TMEM150C: variants seen among roughly 807,000 people sequenced by gnomAD.
TMEM150C encodes tentonin 3.
Under a neutral mutation model 29.9 loss-of-function variants are expected in TMEM150C, and 10 were observed. The ratio of observed to expected loss-of-function variants is 0.33; its 90% CI spans 0.21 to 0.57. TMEM150C has a LOEUF of 0.57. Ranked by LOEUF, TMEM150C falls within the 20% of genes least tolerant of loss-of-function variation. TMEM150C has a pLI of 0.88. For synonymous variants in TMEM150C, 101 were observed against 112.5 expected, an observed-to-expected ratio of 0.90 and a Z score of 0.64; for missense variants, 251 against 303.6, an observed-to-expected ratio of 0.83 and a Z score of 1.29.
At chr4:82,528,989 G>A (rs923553348) in intron 1 of TMEM150C, among the ~76,000 whole-genome samples, 1 of 151,794 alleles carries the variant, frequency 6.6e-6, no homozygotes, top group Non-Finnish European at 1.5e-5. Flanking sequence ...CAGGCTGGAC[G>A]TGTTGATTTG....
chr4:82,508,665 C>T (rs1206778184), intron 1 of TMEM150C, among the ~76,000 whole-genome samples: 1 of 152,088 alleles, frequency 6.6e-6, no homozygotes, highest in Non-Finnish European at 1.5e-5. Flanking sequence ...AGGGTTTCAC[C>T]ATGTTGGCCA....
intron 1 of TMEM150C, among the ~76,000 whole-genome samples, chr4:82,532,454 C>A (rs1438915841): frequency 6.6e-6 from 1 of 152,118 alleles, no homozygotes; most frequent in Non-Finnish European, 1.5e-5. Flanking sequence ...GTAAAAGCGA[C>A]AATCAATGAG....
chr4:82,527,665 CCTAA>C (rs1320535630), intron 1 of TMEM150C, among the ~76,000 whole-genome samples: 2 of 152,174 alleles, frequency 1.3e-5, no homozygotes, highest in African/African-American at 4.8e-5. Context: ...TCTGTCCCTT[CCTAA>C]CTCTCTGCCC....
intron 1 of TMEM150C, among the ~76,000 whole-genome samples, chr4:82,508,483 T>G (rs968445607): frequency 6.6e-6 from 1 of 151,832 alleles, no homozygotes; most frequent in African/African-American, 2.4e-5. Context: ...TTTTTTTTTT[T>G]GAGATGGGGT....
chr4:82,561,577 G>C (rs1210115134), intron 1 of TMEM150C, among the ~76,000 whole-genome samples: 6 of 149,482 alleles, frequency 4.0e-5, no homozygotes, highest in African/African-American at 1.2e-4. Flanking sequence ...GGGCCGCAGC[G>C]GGCGGGCTGG....
At chr4:82,532,791 C>T (rs1015558847) in intron 1 of TMEM150C, among the ~76,000 whole-genome samples, 1 of 151,318 alleles carries the variant, frequency 6.6e-6, no homozygotes, top group East Asian at 1.9e-4. Flanking sequence ...TGCAGTGGCA[C>T]GATCTCCGCT....
At chr4:82,516,668 A>G (rs1240789114) in intron 1 of TMEM150C, among the ~76,000 whole-genome samples, 1 of 152,198 alleles carries the variant, frequency 6.6e-6, no homozygotes, top group Non-Finnish European at 1.5e-5. Context: ...TGTGGTCCAG[A>G]AAAAGAAGGT....
intron 1 of TMEM150C, among the ~76,000 whole-genome samples, chr4:82,519,359 G>A (rs1724401607): frequency 6.6e-6 from 1 of 152,066 alleles, no homozygotes; most frequent in Non-Finnish European, 1.5e-5. Flanking sequence ...AGAGATGCCT[G>A]AAATCTCAGA....
chr4:82,505,911 A>G (rs1381238435), intron 1 of TMEM150C, among the ~76,000 whole-genome samples: 3 of 152,178 alleles, frequency 2.0e-5, no homozygotes, highest in Non-Finnish European at 4.4e-5. Flanking sequence ...TCTATCGGAG[A>G]CACTGGATGC....
intron 1 of TMEM150C, among the ~76,000 whole-genome samples, chr4:82,539,112 C>T (rs898999172): frequency 6.6e-6 from 1 of 152,000 alleles, no homozygotes; most frequent in South Asian, 2.1e-4. Context: ...ATTCAGTGAT[C>T]GTTCCTTACA....
At chr4:82,527,266 A>G (rs1724686598) in intron 1 of TMEM150C, among the ~76,000 whole-genome samples, 1 of 152,148 alleles carries the variant, frequency 6.6e-6, no homozygotes, top group Admixed American at 6.5e-5. Flanking sequence ...GCCATTTACA[A>G]AAATGCTCCC....
At position 82,504,847 on chromosome 4, in the gene TMEM150C, A is replaced by G. The variant is rs965363220; in HGVS notation, c.-10-180T>C. On this transcript the variant is annotated intron_variant, in intron 1 of 7. Coordinates refer to ENST00000449862, the MANE Select transcript of TMEM150C (RefSeq NM_001080506.3). Reference sequence around the variant, plus strand: ...AGATCGAGACCATCCTGGCTAACACAGTGAAACCCCGTCTCTACTGAAAGT... The same window carrying G: ...AGATCGAGACCATCCTGGCTAACACGGTGAAACCCCGTCTCTACTGAAAGT... Among the ~76,000 whole-genome samples the G allele has an allele frequency of 7.9e-5, 12 of 152,058 alleles. No individual in the cohort carries two copies. In the South Asian group the frequency reaches 2.1e-3, roughly 26 times the overall value.
chr4:82,499,076 A>T (rs752215917), intron 5 of TMEM150C, among the ~76,000 whole-genome samples: 7 of 152,198 alleles, frequency 4.6e-5, no homozygotes, highest in Non-Finnish European at 8.8e-5. Flanking sequence ...AATTTTTAGA[A>T]TGATGGATCT....
At chr4:82,534,223 T>A (rs1480056138) in intron 1 of TMEM150C, among the ~76,000 whole-genome samples, 1 of 152,202 alleles carries the variant, frequency 6.6e-6, no homozygotes, top group Non-Finnish European at 1.5e-5. Context: ...TGTGAACAGC[T>A]AGAAATAACA....
chr4:82,529,742 G>C (rs1254984058), intron 1 of TMEM150C, among the ~76,000 whole-genome samples: 1 of 152,122 alleles, frequency 6.6e-6, no homozygotes, highest in Non-Finnish European at 1.5e-5. Flanking sequence ...ACTTCCCACT[G>C]CAATGATGTA....
chr4:82,486,361 A>AAAAAG (rs1553904912), intron 7 of TMEM150C, among the ~76,000 whole-genome samples: 23 of 150,804 alleles, frequency 1.5e-4, no homozygotes, highest in African/African-American at 5.4e-4. Context: ...AAAAAAAAAA[A>AAAAAG]AAGAAGAAAG....
At chr4:82,505,247 A>G (rs998732018) in intron 1 of TMEM150C, among the ~76,000 whole-genome samples, 1 of 152,098 alleles carries the variant, frequency 6.6e-6, no homozygotes, top group South Asian at 2.1e-4. Flanking sequence ...GGGTCTAGCT[A>G]TGTTGCCCAA....
At chr4:82,535,993 G>A (rs1286314255) in intron 1 of TMEM150C, among the ~76,000 whole-genome samples, 1 of 152,106 alleles carries the variant, frequency 6.6e-6, no homozygotes, top group Non-Finnish European at 1.5e-5. Context: ...AGGCCGGGTT[G>A]GGAGTGTTGT....
rs1288855016 is a variant in TMEM150C, at chr4:82,485,613, C to T, written c.648G>A (p.Arg216=). The part of the protein sequence containing the change: ...SYFGTFAVEF[R]HYRYEIVCSE... ...AGCAAACAATCTCATAGCGGTAATGCCGGAACTCCACGGCAAAGGTGCCAA... is the reference window on the plus strand; with the variant it reads ...AGCAAACAATCTCATAGCGGTAATGTCGGAACTCCACGGCAAAGGTGCCAA... Residue 216 remains arginine, a synonymous_variant, in exon 8 of 8, where the codon CGG becomes CGA. Transcript: ENST00000449862. 6 of 1,610,616 alleles carry T rather than the reference C, an allele frequency of 3.7e-6. No individual in the cohort carries two copies. Among genetic ancestry groups the T allele is most frequent in the Non-Finnish European group, 5.1e-6 (6 of 1,178,556 alleles).
Sources: allele counts gnomAD v4.1 joint callset (sites outside exome capture counted in the v4.1 genomes callset), GRCh38; gene constraint gnomAD v4.1.1; transcripts MANE v1.5; gene names NCBI Gene and HGNC (gene_info 2026-07-23, HGNC 2026-07-21).